KAT2B: variants seen among roughly 807,000 people sequenced by gnomAD.
KAT2B encodes the protein histone acetyltransferase KAT2B.
Under a neutral mutation model 105.9 loss-of-function variants are expected in KAT2B, and 36 were observed. That is an observed-to-expected ratio of 0.34 (90% CI 0.26 to 0.45). KAT2B has a LOEUF of 0.45. Among genes scored for constraint, KAT2B ranks in the 20% least tolerant of loss-of-function variants. KAT2B has a pLI of 1.00. For missense variants in KAT2B, 820 were observed against 1,021.6 expected (o/e 0.80, Z 2.69); for synonymous variants, 397 against 377.9 (o/e 1.05, Z -0.59).
At chr3:20,149,323 C>G (rs948668477) in intron 17 of KAT2B, among the ~76,000 whole-genome samples, 1 of 150,802 alleles carries the variant, frequency 6.6e-6, no homozygotes, top group Non-Finnish European at 1.5e-5. Context: ...GTAGTGAGAC[C>G]CTGTCTCTAC....
At chr3:20,120,954 G>A (rs1000509217) in intron 8 of KAT2B, among the ~76,000 whole-genome samples, 8 of 152,012 alleles carry the variant, frequency 5.3e-5, no homozygotes, top group Non-Finnish European at 1.2e-4. Flanking sequence ...CTCTTTACCA[G>A]TGAGCTTGGA....
At chr3:20,089,380 C>G (rs1392495455) in intron 2 of KAT2B, among the ~76,000 whole-genome samples, 2 of 149,118 alleles carry the variant, frequency 1.3e-5, no homozygotes, top group African/African-American at 2.5e-5. Flanking sequence ...TATCTTATCA[C>G]TTATTCGTGT....
chr3:20,107,177 T>C (rs1306298206), intron 5 of KAT2B, among the ~76,000 whole-genome samples: 1 of 147,988 alleles, frequency 6.8e-6, no homozygotes, highest in African/African-American at 2.5e-5. Flanking sequence ...ATTACAGGCA[T>C]GCGCCACCAC....
chr3:20,126,821 C>CA (rs754659716), intron 10 of KAT2B, among the ~76,000 whole-genome samples: 8,368 of 85,518 alleles, frequency 0.098, 520 homozygotes, highest in South Asian at 0.35. Context: ...AACTCCATTT[C>CA]AAAAAAAAAA....
chr3:20,057,865 G>A (rs562531288), intron 1 of KAT2B, among the ~76,000 whole-genome samples: 20 of 152,078 alleles, frequency 1.3e-4, no homozygotes, highest in Admixed American at 2.0e-4. Context: ...TCAGTCAGCG[G>A]GACCTAATTA....
intron 5 of KAT2B, among the ~76,000 whole-genome samples, chr3:20,108,661 A>G (rs563728700): frequency 6.6e-6 from 1 of 151,954 alleles, no homozygotes; most frequent in Non-Finnish European, 1.5e-5. Context: ...AGACTAGACC[A>G]TAGAGCAGGG....
At chr3:20,128,748 C>T (rs906877870) in intron 11 of KAT2B, among the ~76,000 whole-genome samples, 1 of 152,062 alleles carries the variant, frequency 6.6e-6, no homozygotes, top group African/African-American at 2.4e-5. Flanking sequence ...TGGCTCACAC[C>T]TGTAATCCTA....
intron 17 of KAT2B, 101 bp from the exon 18 acceptor site, chr3:20,152,231 T>G: frequency 1.4e-6 from 1 of 697,110 alleles, no homozygotes; most frequent in Non-Finnish European, 2.3e-6. Context: ...ATGATAAAAA[T>G]GTAATCAAAC....
chr3:20,130,870 T>C (rs1024812446), intron 11 of KAT2B, among the ~76,000 whole-genome samples: 4 of 151,504 alleles, frequency 2.6e-5, no homozygotes, highest in African/African-American at 4.9e-5. Context: ...TGTGTGTGTG[T>C]GCGTGCATGT....
chr3:20,060,486 A>G (rs1428630401), intron 1 of KAT2B, among the ~76,000 whole-genome samples: 1 of 152,196 alleles, frequency 6.6e-6, no homozygotes, highest in East Asian at 1.9e-4. Flanking sequence ...CTGTAATCCC[A>G]GCTACTGGGG....
In KAT2B at chr3:20,127,358, C is replaced by T; in HGVS notation, c.1623-65C>T. On this transcript the variant is annotated intron_variant, in intron 10 of 17. Coordinates refer to ENST00000263754, the MANE Select transcript of KAT2B (RefSeq NM_003884.5). ...TCTTTCTTAGTTGGTTAATAAGGAA[C>T]ACCCCAAAAAGTATATTTATATAAC... is the stretch of plus-strand genomic sequence containing the variant. 6 of 1,428,432 alleles carry T rather than the reference C, an allele frequency of 4.2e-6. No homozygotes were observed. In the African/African-American group the frequency reaches 4.3e-5, roughly 10 times the overall value. The allele number at this position is 1,428,432 out of a possible 1,614,324, so 88.5% of individuals were successfully genotyped here. A position where few individuals can be genotyped will look rare whatever the true frequency, so the allele number is the denominator to read the frequency against.
chr3:20,132,901 T>C (rs1699535577), intron 11 of KAT2B, among the ~76,000 whole-genome samples: 1 of 152,218 alleles, frequency 6.6e-6, no homozygotes, highest in Non-Finnish European at 1.5e-5. Context: ...ACAATCTCTC[T>C]TGCATCGACA....
chr3:20,107,935 A>C (rs1013642663), intron 5 of KAT2B, among the ~76,000 whole-genome samples: 2 of 150,834 alleles, frequency 1.3e-5, no homozygotes, highest in Non-Finnish European at 2.9e-5. Flanking sequence ...CAGGCTGCCA[A>C]GTAGCTGGGA....
chr3:20,112,314 G>A (rs1179946296), intron 6 of KAT2B, among the ~76,000 whole-genome samples: 1 of 152,128 alleles, frequency 6.6e-6, no homozygotes, highest in Admixed American at 6.5e-5. Flanking sequence ...CCTTCAGCGT[G>A]ATGAACCTCT....
At chr3:20,046,455 G>A (rs1214533778) in intron 1 of KAT2B, among the ~76,000 whole-genome samples, 2 of 152,176 alleles carry the variant, frequency 1.3e-5, no homozygotes, top group African/African-American at 4.8e-5. Flanking sequence ...GATGGTGCGT[G>A]CCTGTAGTCC....
At chr3:20,042,453 A>C (rs1697736571) in intron 1 of KAT2B, among the ~76,000 whole-genome samples, 1 of 152,200 alleles carries the variant, frequency 6.6e-6, no homozygotes, top group African/African-American at 2.4e-5. Context: ...GGTACAGGGC[A>C]TACTGCTTGG....
chr3:20,078,016 A>AAT (rs2125184948), intron 2 of KAT2B, among the ~76,000 whole-genome samples: 1 of 152,212 alleles, frequency 6.6e-6, no homozygotes, highest in East Asian at 1.9e-4. Flanking sequence ...CTCTACAAAA[A>AAT]ATACAAAAAT....
intron 6 of KAT2B, among the ~76,000 whole-genome samples, chr3:20,112,001 C>A (rs927416534): frequency 4.6e-5 from 7 of 152,102 alleles, no homozygotes; most frequent in African/African-American, 1.7e-4. Context: ...GTCATTGCTC[C>A]CTTATCCCCT....
intron 7 of KAT2B, among the ~76,000 whole-genome samples, chr3:20,119,154 T>C (rs758249551): frequency 8.5e-5 from 13 of 152,116 alleles, no homozygotes; most frequent in Non-Finnish European, 1.3e-4. Flanking sequence ...AAAAAATACT[T>C]TTGTGGGGAG....
Sources: gnomAD v4.1 joint callset for allele counts (sites outside exome capture counted in the v4.1 genomes callset) on GRCh38, gnomAD v4.1.1 for gene constraint, MANE v1.5 for transcripts, NCBI Gene and HGNC (gene_info 2026-07-23, HGNC 2026-07-21) for gene names.